Variants in CNTN6 observed in about 807,000 individuals in gnomAD.
The protein encoded by CNTN6 is contactin-6.
A neutral mutation model predicts 122.8 loss-of-function variants in CNTN6; 137 were observed. The ratio of observed to expected loss-of-function variants is 1.12; its 90% CI spans 0.97 to 1.29. The LOEUF (loss-of-function observed/expected upper bound fraction) is 1.29. CNTN6 is among the 50% of genes most tolerant of loss of function. The probability of loss-of-function intolerance (pLI) is 0.00; values close to 1 mark genes in which losing one functional copy is unlikely to be tolerated. For missense variants in CNTN6, 1,634 were observed against 1,223.4 expected (o/e 1.34, Z -5.01); for synonymous variants, 570 against 426.0 (o/e 1.34, Z -4.16).
chr3:1,188,924 T>C (rs541378492), intron 2 of CNTN6, among the ~76,000 whole-genome samples: 1 of 152,352 alleles, frequency 6.6e-6, no homozygotes, highest in African/African-American at 2.4e-5. Flanking sequence ...CTTATCCGTC[T>C]AGCCTAGGCT....
chr3:1,251,065 T>TG, intron 4 of CNTN6, among the ~76,000 whole-genome samples: 1 of 152,330 alleles, frequency 6.6e-6, no homozygotes, highest in Non-Finnish European at 1.5e-5. Context: ...ATTAGCTCAC[T>TG]GTCATTCTCT....
intron 5 of CNTN6, among the ~76,000 whole-genome samples, chr3:1,281,786 T>G (rs1042120015): frequency 6.6e-6 from 1 of 152,182 alleles, no homozygotes; most frequent in Non-Finnish European, 1.5e-5. Context: ...TCTGTTGTCT[T>G]TTTCAACATA....
intron 7 of CNTN6, among the ~76,000 whole-genome samples, chr3:1,302,637 G>A (rs1042235979): frequency 2.0e-5 from 3 of 152,030 alleles, no homozygotes; most frequent in African/African-American, 4.8e-5. Flanking sequence ...ATTGGCTTTT[G>A]TTAAATGTTT....
rs537351550 is a variant in CNTN6 at position 1,215,140 on chromosome 3, T to C, written c.56-5547T>C. ...TGATGTTCTTCAAATATTAGTCACT[T>C]AATCAGCAAACGCTTTGGTGTTGAG... On this transcript the variant is annotated intron_variant, in intron 2 of 22. Coordinates refer to ENST00000446702, the MANE Select transcript of CNTN6 (RefSeq NM_001289080.2). Among the ~76,000 whole-genome samples the C allele has an allele frequency of 1.1e-4, 16 of 152,362 alleles. No homozygotes were observed. The South Asian group carries it at 2.1e-3, about 20-fold the overall frequency.
Position 1,295,643 on chromosome 3 carries a change from T to C in CNTN6, c.497T>C (p.Val166Ala). The change falls in exon 6 of 23, where the codon GTC (valine) becomes GCC (alanine). Residue 166 changes from valine (V) to alanine (A), a missense_variant. Val to Ala is a moderately conservative substitution (Grantham distance 64). Transcript: ENST00000446702. ...ACCTTCAATGATAACCCCTTATACG[T>C]CCAAGAGGACAATAGGCGATTTGTA... is the stretch of plus-strand genomic sequence containing the variant. ...AWTFNDNPLY[V>A]QEDNRRFVSQ... 6.2e-7 allele frequency: 1 copy of C among 1,613,902 alleles called. No individual in the cohort carries two copies. The highest frequency in any genetic ancestry group is 1.1e-5 in the South Asian group (1 of 91,082).
chr3:1,191,487 C>T (rs1229497660), intron 2 of CNTN6, among the ~76,000 whole-genome samples: 1 of 152,128 alleles, frequency 6.6e-6, no homozygotes, highest in Non-Finnish European at 1.5e-5. Context: ...GGTGGTGCAC[C>T]CCAACTCCAC....
At position 1,355,163 on chromosome 3, in the gene CNTN6, G is replaced by C. The variant is rs559649268; in HGVS notation, c.1492+2712G>C. Among the ~76,000 whole-genome samples the C allele has an allele frequency of 6.6e-5, 10 of 151,672 alleles. No individual in the cohort carries two copies. The East Asian group carries it at 1.7e-3, about 26-fold the overall frequency. On this transcript the variant is annotated intron_variant, in intron 12 of 22. Coordinates refer to ENST00000446702, the MANE Select transcript of CNTN6 (RefSeq NM_001289080.2). ...CCACATCCCATTTTAAGTGGACTTT[G>C]GGGTCTTTTGCTTCTTTGTCATTAA...
At chr3:1,100,364 G>A (rs1444336642) in intron 1 of CNTN6, among the ~76,000 whole-genome samples, 1 of 152,062 alleles carries the variant, frequency 6.6e-6, no homozygotes, top group African/African-American at 2.4e-5. Context: ...TTGCTCATGA[G>A]GGGACTGTTT....
At chr3:1,186,958 G>A (rs770582705) in intron 2 of CNTN6, among the ~76,000 whole-genome samples, 6 of 151,932 alleles carry the variant, frequency 3.9e-5, no homozygotes, top group Non-Finnish European at 5.9e-5. Context: ...CCTATTTCAT[G>A]TTACCAAAGA....
chr3:1,234,903 C>G (rs1005983705), intron 4 of CNTN6, among the ~76,000 whole-genome samples: 1 of 152,116 alleles, frequency 6.6e-6, no homozygotes, highest in East Asian at 1.9e-4. Context: ...AAAACTTTGT[C>G]TTTGCTTTTA....
intron 20 of CNTN6, among the ~76,000 whole-genome samples, chr3:1,386,127 TC>T (rs1692872946): frequency 6.6e-6 from 1 of 152,192 alleles, no homozygotes. Flanking sequence ...GTGGTATTTA[TC>T]TTTGAGTCTC....
chr3:1,328,624 C>T (rs1003612090), intron 10 of CNTN6, among the ~76,000 whole-genome samples: 2 of 151,746 alleles, frequency 1.3e-5, no homozygotes, highest in Non-Finnish European at 1.5e-5. Context: ...GAGTTGCTAT[C>T]GTTGCACATG....
intron 5 of CNTN6, among the ~76,000 whole-genome samples, 190 bp downstream of exon 5, chr3:1,278,698 C>G (rs934666264): frequency 6.6e-6 from 1 of 152,152 alleles, no homozygotes; most frequent in African/African-American, 2.4e-5. Context: ...GTTCAAGCAG[C>G]CACACAGCAA....
chr3:1,400,603 T>A (rs1323734017), intron 20 of CNTN6, among the ~76,000 whole-genome samples: 1 of 152,140 alleles, frequency 6.6e-6, no homozygotes, highest in African/African-American at 2.4e-5. Context: ...AAGCTCCATT[T>A]ATTTTAAACG....
At chr3:1,297,718 T>G (rs1696508223) in intron 6 of CNTN6, among the ~76,000 whole-genome samples, 171 bp from the exon 7 acceptor site, 1 of 151,376 alleles carries the variant, frequency 6.6e-6, no homozygotes, top group Non-Finnish European at 1.5e-5. Flanking sequence ...ACTAGAAAAG[T>G]GTCTTTTTTG....
chr3:1,388,278 G>T (rs113900471), intron 20 of CNTN6, among the ~76,000 whole-genome samples: 3 of 145,894 alleles, frequency 2.1e-5, no homozygotes, highest in Non-Finnish European at 4.6e-5. Flanking sequence ...AGCCTAACTG[G>T]GAGGCACCCC....
intron 17 of CNTN6, among the ~76,000 whole-genome samples, chr3:1,382,059 T>C (rs576603729): frequency 3.7e-4 from 57 of 152,092 alleles, no homozygotes; most frequent in African/African-American, 1.3e-3. Context: ...CTAGAAGCAC[T>C]GTGTCCTGTC....
At chr3:1,228,208 G>A (rs528959104) in intron 4 of CNTN6, among the ~76,000 whole-genome samples, 1 of 152,116 alleles carries the variant, frequency 6.6e-6, no homozygotes, top group East Asian at 1.9e-4. Flanking sequence ...AAAGATCAAT[G>A]TTATTATATT....
At chr3:1,398,096 T>A (rs999671667) in intron 20 of CNTN6, among the ~76,000 whole-genome samples, 8 of 151,942 alleles carry the variant, frequency 5.3e-5, no homozygotes, top group African/African-American at 1.9e-4. Flanking sequence ...GTTTGCTGAG[T>A]TTACCATTGA....
Sources: gnomAD v4.1 joint callset for allele counts (sites outside exome capture counted in the v4.1 genomes callset) on GRCh38, gnomAD v4.1.1 for gene constraint, MANE v1.5 for transcripts, NCBI Gene and HGNC (gene_info 2026-07-23, HGNC 2026-07-21) for gene names.